ANO1: variants seen among roughly 807,000 people sequenced by gnomAD.
The protein encoded by ANO1 is anoctamin-1.
Under a neutral mutation model 124.0 loss-of-function variants are expected in ANO1, and 59 were observed. That is an observed-to-expected ratio of 0.48 (90% CI 0.39 to 0.59). ANO1 has a LOEUF of 0.59. Among genes scored for constraint, ANO1 ranks in the 20% least tolerant of loss-of-function variants. The pLI is 0.00. For missense variants in ANO1, 1,059 were observed against 1,328.0 expected, an observed-to-expected ratio of 0.80 and a Z score of 3.15; for synonymous variants, 529 against 532.0, an observed-to-expected ratio of 0.99 and a Z score of 0.08.
chr11:70,121,575 C>G (rs1352488128), intron 8 of ANO1, among the ~76,000 whole-genome samples: 4 of 128,072 alleles, frequency 3.1e-5, no homozygotes, highest in Non-Finnish European at 5.1e-5. Context: ...CTATCTGTCT[C>G]TCTGTCTCTG....
At chr11:70,147,742 T>A (rs950638667) in intron 11 of ANO1, among the ~76,000 whole-genome samples, 1 of 152,186 alleles carries the variant, frequency 6.6e-6, no homozygotes, top group Non-Finnish European at 1.5e-5. Context: ...GGGAAGCCCT[T>A]CCTCCGTGAT....
At chr11:70,146,380 G>A (rs925681481) in intron 11 of ANO1, among the ~76,000 whole-genome samples, 2 of 152,110 alleles carry the variant, frequency 1.3e-5, no homozygotes, top group Non-Finnish European at 2.9e-5. Context: ...ATACCTCCTC[G>A]TGAACTGGTG....
intron 10 of ANO1, chr11:70,129,205 C>G (rs2509166): frequency 0.31 from 47,424 of 152,216 alleles, 7,998 homozygotes; most frequent in East Asian, 0.46. Context: ...TTAAAACTCA[C>G]TGCTGCTGCA....
intron 1 of ANO1, among the ~76,000 whole-genome samples, chr11:70,055,367 A>AAATAT (rs1555006704): frequency 1.3e-5 from 2 of 152,228 alleles, no homozygotes; most frequent in East Asian, 3.9e-4. Flanking sequence ...TTTGATATAT[A>AAATAT]CATAATTTAA....
intron 22 of ANO1, among the ~76,000 whole-genome samples, chr11:70,176,628 T>C (rs938069491): frequency 5.3e-5 from 8 of 152,138 alleles, no homozygotes; most frequent in Non-Finnish European, 8.8e-5. Flanking sequence ...TTGATGTTCA[T>C]GCTGGTCGAC....
intron 1 of ANO1, among the ~76,000 whole-genome samples, chr11:70,034,928 G>C (rs1253191317): frequency 6.6e-6 from 1 of 151,702 alleles, no homozygotes; most frequent in Non-Finnish European, 1.5e-5. Context: ...ACAAACTATT[G>C]TTCTTGCCGC....
At chr11:70,058,385 T>C (rs1857489915) in intron 1 of ANO1, among the ~76,000 whole-genome samples, 1 of 152,240 alleles carries the variant, frequency 6.6e-6, no homozygotes, top group Non-Finnish European at 1.5e-5. Context: ...AGTCCTCCTT[T>C]TTTAGCAGTG....
chr11:70,087,168 AT>A (rs1339963511), intron 1 of ANO1, among the ~76,000 whole-genome samples: 1 of 152,140 alleles, frequency 6.6e-6, no homozygotes, highest in Non-Finnish European at 1.5e-5. Flanking sequence ...GGGTGTATAT[AT>A]TTATGGGGTA....
intron 1 of ANO1, among the ~76,000 whole-genome samples, chr11:69,998,357 C>CT (rs1856314714): frequency 6.6e-6 from 1 of 152,118 alleles, no homozygotes; most frequent in African/African-American, 2.4e-5. Flanking sequence ...ATAATTCTGC[C>CT]TATTCTAGCT....
In ANO1 at chr11:70,126,212, C is replaced by A; in HGVS notation, c.1097+17C>A. ...CATCCCCAGGTAGGCGGCAGCCCACCCCCACCACCCCGCAGTACACAGAGG... is the reference window on the plus strand; with the variant it reads ...CATCCCCAGGTAGGCGGCAGCCCACACCCACCACCCCGCAGTACACAGAGG... On this transcript the variant is annotated intron_variant, in intron 10 of 25. Transcript: ENST00000355303. The A allele has an allele frequency of 6.2e-7, 1 of 1,607,700 alleles. No individual in the cohort carries two copies. Among genetic ancestry groups the A allele is most frequent in the Non-Finnish European group, 8.5e-7 (1 of 1,177,300 alleles).
intron 23 of ANO1, among the ~76,000 whole-genome samples, chr11:70,182,241 G>A (rs542073294): frequency 3.7e-4 from 56 of 152,266 alleles, no homozygotes; most frequent in Non-Finnish European, 1.6e-4. Flanking sequence ...GGCTGCCAGC[G>A]TCTGCCTGGT....
intron 12 of ANO1, 152 bp downstream of exon 12, chr11:70,149,944 G>T: frequency 1.3e-6 from 1 of 772,578 alleles, no homozygotes; most frequent in Non-Finnish European, 2.2e-6. Context: ...CCCCCTGCCT[G>T]CCTCGCCACT....
intron 19 of ANO1, 85 bp downstream of exon 19, chr11:70,163,425 C>T: frequency 6.7e-7 from 1 of 1,497,682 alleles, no homozygotes; most frequent in Non-Finnish European, 9.2e-7. Flanking sequence ...GAAGCAGCTG[C>T]AGCACATTTG....
At chr11:70,163,612 G>A in intron 19 of ANO1, 1 of 600,864 alleles carries the variant, frequency 1.7e-6, no homozygotes, top group Non-Finnish European at 2.9e-6. Flanking sequence ...TTCTTTTTTT[G>A]TGAGACTGAA....
At chr11:69,996,911 T>C (rs1856280755) in intron 1 of ANO1, among the ~76,000 whole-genome samples, 1 of 152,212 alleles carries the variant, frequency 6.6e-6, no homozygotes, top group African/African-American at 2.4e-5. Context: ...AGAGGGAAGC[T>C]TGTACGGAAA....
chr11:70,083,358 G>T (rs1375648431), intron 1 of ANO1, among the ~76,000 whole-genome samples: 3 of 152,160 alleles, frequency 2.0e-5, no homozygotes, highest in African/African-American at 7.2e-5. Flanking sequence ...TGTGCCTGGG[G>T]TCACACAGCT....
At chr11:70,004,192 T>C (rs1856440438) in intron 1 of ANO1, among the ~76,000 whole-genome samples, 1 of 152,194 alleles carries the variant, frequency 6.6e-6, no homozygotes, top group Non-Finnish European at 1.5e-5. Context: ...CAGCGCTGTG[T>C]TCCCATCTTG....
chr11:70,061,278 C>T (rs1315317387), intron 1 of ANO1, among the ~76,000 whole-genome samples: 1 of 152,010 alleles, frequency 6.6e-6, no homozygotes, highest in Non-Finnish European at 1.5e-5. Flanking sequence ...AGAGGAAGAT[C>T]ATCAAAATAT....
intron 1 of ANO1, among the ~76,000 whole-genome samples, chr11:70,054,259 T>C (rs4980585): frequency 0.23 from 34,960 of 152,170 alleles, 4,793 homozygotes; most frequent in South Asian, 0.33. Context: ...TAGATGTTAA[T>C]GGACCCCAGC....
Sources: allele counts gnomAD v4.1 joint callset (sites outside exome capture counted in the v4.1 genomes callset), GRCh38; gene constraint gnomAD v4.1.1; transcripts MANE v1.5; gene names NCBI Gene and HGNC (gene_info 2026-07-23, HGNC 2026-07-21).